RBFOX1: variants seen among roughly 807,000 people sequenced by gnomAD.
RBFOX1 encodes the protein RNA binding protein fox-1 homolog 1.
A neutral mutation model predicts 57.7 loss-of-function variants in RBFOX1; 8 were observed. The ratio of observed to expected loss-of-function variants is 0.14; its 90% CI spans 0.08 to 0.25. RBFOX1 has a LOEUF of 0.25. RBFOX1 is among the 10% of genes least tolerant of loss of function. The pLI is 1.00. For missense variants in RBFOX1, 611 were observed against 548.5 expected, an observed-to-expected ratio of 1.11 and a Z score of -1.14; for synonymous variants, 326 against 222.4, an observed-to-expected ratio of 1.47 and a Z score of -4.15.
At chr16:6,700,027 C>T (rs777922113) in intron 3 of RBFOX1, among the ~76,000 whole-genome samples, 14 of 152,122 alleles carry the variant, frequency 9.2e-5, no homozygotes, top group Non-Finnish European at 1.3e-4. Flanking sequence ...CCTTCTCTTA[C>T]GATTGGCAAG....
intron 2 of RBFOX1, among the ~76,000 whole-genome samples, chr16:6,611,785 C>G (rs1462264919): frequency 6.6e-6 from 1 of 152,172 alleles, no homozygotes; most frequent in African/African-American, 2.4e-5. Flanking sequence ...CCTTCTCTCT[C>G]TGCTTCCCAA....
intron 2 of RBFOX1, among the ~76,000 whole-genome samples, chr16:6,451,878 CT>C (rs2094634155): frequency 6.6e-6 from 1 of 151,500 alleles, no homozygotes; most frequent in African/African-American, 2.4e-5. Flanking sequence ...CCTTCCATGA[CT>C]CCATCCATGG....
intron 14 of RBFOX1, among the ~76,000 whole-genome samples, chr16:7,693,590 A>G (rs941517123): frequency 1.3e-5 from 2 of 152,148 alleles, no homozygotes; most frequent in African/African-American, 2.4e-5. Context: ...TCTGGTTTTA[A>G]TAATACATGG....
chr16:6,201,444 C>G (rs1416021592), intron 1 of RBFOX1, among the ~76,000 whole-genome samples: 1 of 152,170 alleles, frequency 6.6e-6, no homozygotes, highest in African/African-American at 2.4e-5. Context: ...ATTCCCCTTT[C>G]TCCACATCCT....
At chr16:5,542,779 T>C (rs918218349) in intron 2 of RBFOX1, among the ~76,000 whole-genome samples, 3 of 152,212 alleles carry the variant, frequency 2.0e-5, no homozygotes, top group African/African-American at 7.2e-5. Flanking sequence ...TTGTAGGTTC[T>C]ATGATTTGAT....
At chr16:5,984,879 C>G (rs1052544294) in intron 4 of RBFOX1, among the ~76,000 whole-genome samples, 1 of 147,924 alleles carries the variant, frequency 6.8e-6, no homozygotes. Context: ...TCAAAACACA[C>G]CTAAACATAG....
At chr16:6,891,034 C>T (rs771461996) in intron 3 of RBFOX1, among the ~76,000 whole-genome samples, 3 of 152,130 alleles carry the variant, frequency 2.0e-5, no homozygotes, top group Admixed American at 1.3e-4. Context: ...ACAGGAGTTA[C>T]GTCTGATTCC....
intron 10 of RBFOX1, among the ~76,000 whole-genome samples, chr16:7,607,581 T>G (rs1409313653): frequency 6.6e-6 from 1 of 152,178 alleles, no homozygotes; most frequent in Non-Finnish European, 1.5e-5. Flanking sequence ...CAATTCACAT[T>G]GATTTTGCCC....
At chr16:6,863,725 CTTTT>C (rs71408412) in intron 3 of RBFOX1, among the ~76,000 whole-genome samples, 1,560 of 67,598 alleles carry the variant, frequency 0.023, 92 homozygotes, top group East Asian at 0.17. Flanking sequence ...GATGCCTGCG[CTTTT>C]TTTTTTTTTT....
intron 2 of RBFOX1, among the ~76,000 whole-genome samples, chr16:6,620,557 C>A (rs2098214265): frequency 6.6e-6 from 1 of 151,896 alleles, no homozygotes; most frequent in African/African-American, 2.4e-5. Context: ...AATCCGGGAG[C>A]TATTTTTTTT....
intron 4 of RBFOX1, among the ~76,000 whole-genome samples, chr16:7,380,507 A>C (rs537331402): frequency 1.3e-5 from 2 of 152,334 alleles, no homozygotes; most frequent in South Asian, 4.1e-4. Flanking sequence ...CTGTCTGGTA[A>C]TCATCTTTCA....
At position 6,654,604 on chromosome 16, in the gene RBFOX1, A is replaced by G. The variant is rs2098632797; in HGVS notation, c.-62A>G. The G allele has an allele frequency of 1.3e-6, 2 of 1,508,140 alleles. No homozygotes were observed. The highest frequency in any genetic ancestry group is 1.4e-5 in the African/African-American group (1 of 71,142). 93.4% of individuals were successfully genotyped at this position (1,508,140 alleles called of 1,614,324 possible). On this transcript the variant is annotated splice_region_variant and 5_prime_UTR_variant, in exon 3 of 16. Transcript: ENST00000550418. ...TCCTTTCTTTTCTTCTCTTCTCAGG[A>G]TATCAAAGCAGACTGCAATACCTGC...
At chr16:6,842,385 C>T (rs951538054) in intron 3 of RBFOX1, among the ~76,000 whole-genome samples, 1 of 152,046 alleles carries the variant, frequency 6.6e-6, no homozygotes, top group Non-Finnish European at 1.5e-5. Context: ...GAAATGTTCT[C>T]CTTATTTAAT....
At chr16:7,238,546 T>A (rs1160064084) in intron 4 of RBFOX1, among the ~76,000 whole-genome samples, 2 of 152,172 alleles carry the variant, frequency 1.3e-5, no homozygotes, top group Non-Finnish European at 2.9e-5. Context: ...ACACGCACCT[T>A]TAGGAAAGCC....
At chr16:6,452,912 C>G (rs2094668348) in intron 2 of RBFOX1, among the ~76,000 whole-genome samples, 3 of 152,198 alleles carry the variant, frequency 2.0e-5, no homozygotes, top group Admixed American at 2.0e-4. Flanking sequence ...AGCTTTGCAC[C>G]TAGAAGGTGC....
At chr16:6,617,048 C>T (rs1404575339) in intron 2 of RBFOX1, among the ~76,000 whole-genome samples, 1 of 152,020 alleles carries the variant, frequency 6.6e-6, no homozygotes, top group African/African-American at 2.4e-5. Flanking sequence ...TACCGGTATA[C>T]AGTGTTGATC....
intron 1 of RBFOX1, among the ~76,000 whole-genome samples, chr16:6,206,889 T>A (rs1292755985): frequency 6.6e-6 from 1 of 152,174 alleles, no homozygotes; most frequent in African/African-American, 2.4e-5. Flanking sequence ...TTCTGATGCT[T>A]CCTTCAAGGA....
At chr16:7,303,165 C>G (rs191649804) in intron 4 of RBFOX1, among the ~76,000 whole-genome samples, 2 of 152,316 alleles carry the variant, frequency 1.3e-5, no homozygotes, top group Non-Finnish European at 2.9e-5. Flanking sequence ...CATTGAACAG[C>G]TCAGGGGCTG....
At chr16:7,000,971 T>C (rs2092737695) in intron 3 of RBFOX1, among the ~76,000 whole-genome samples, 1 of 152,170 alleles carries the variant, frequency 6.6e-6, no homozygotes, top group Non-Finnish European at 1.5e-5. Flanking sequence ...TGAAGTCCTT[T>C]TTGGAAATTT....
Sources: gnomAD v4.1 joint callset for allele counts (sites outside exome capture counted in the v4.1 genomes callset) on GRCh38, gnomAD v4.1.1 for gene constraint, MANE v1.5 for transcripts, NCBI Gene and HGNC (gene_info 2026-07-23, HGNC 2026-07-21) for gene names.